MLLT10: variants seen among roughly 807,000 people sequenced by gnomAD.
MLLT10 encodes MLLT10 histone lysine methyltransferase DOT1L cofactor, also known as protein AF-10.
MLLT10 carries 30 observed loss-of-function variants against 129.1 expected under a neutral mutation model. The observed-to-expected ratio is 0.23, with a 90% CI of 0.17 to 0.32. The LOEUF is 0.32. Among genes scored for constraint, MLLT10 ranks in the 10% least tolerant of loss-of-function variants. MLLT10 has a pLI of 1.00. For synonymous variants in MLLT10, 490 were observed against 446.4 expected (o/e 1.10, Z -1.23); for missense variants, 1,119 against 1,268.3 (o/e 0.88, Z 1.79).
intron 5 of MLLT10, 121 bp from the exon 6 acceptor site, chr10:21,612,227 A>G (rs2044731111): frequency 3.7e-6 from 2 of 542,660 alleles, no homozygotes; most frequent in Non-Finnish European, 6.5e-6. Context: ...AAATGAATTC[A>G]TATTTTGAGT....
intron 9 of MLLT10, 75 bp downstream of exon 9, chr10:21,651,843 T>C (rs781246484): frequency 5.0e-5 from 46 of 918,710 alleles, no homozygotes; most frequent in Non-Finnish European, 7.4e-5. Context: ...AAAAACTGTT[T>C]TCATTCCCTA....
intron 8 of MLLT10, among the ~76,000 whole-genome samples, chr10:21,633,162 C>T (rs146205762): frequency 1.3e-4 from 20 of 152,160 alleles, no homozygotes; most frequent in African/African-American, 4.3e-4. Flanking sequence ...TCTTCATCTG[C>T]ATCAAGTTGA....
chr10:21,617,939 T>C (rs1390963018), intron 8 of MLLT10, among the ~76,000 whole-genome samples: 5 of 151,748 alleles, frequency 3.3e-5, no homozygotes, highest in Non-Finnish European at 4.4e-5. Context: ...GAGAGGATCG[T>C]TTGAGTGGAG....
intron 6 of MLLT10, among the ~76,000 whole-genome samples, chr10:21,612,670 A>G (rs1205369414): frequency 1.3e-5 from 2 of 152,154 alleles, no homozygotes; most frequent in African/African-American, 4.8e-5. Flanking sequence ...CTGATGTTTT[A>G]TTCTCTGTAA....
intron 3 of MLLT10, among the ~76,000 whole-genome samples, chr10:21,558,704 A>G (rs1564408448): frequency 6.6e-6 from 1 of 151,924 alleles, no homozygotes; most frequent in Non-Finnish European, 1.5e-5. Flanking sequence ...AAAAATTTTT[A>G]TTTTTTTAAA....
chr10:21,726,571 A>G (rs982540512), intron 15 of MLLT10, among the ~76,000 whole-genome samples: 3 of 152,042 alleles, frequency 2.0e-5, no homozygotes, highest in Non-Finnish European at 4.4e-5. Context: ...TTCATATATC[A>G]TAACATCAAT....
chr10:21,602,799 G>T (rs2043676625), intron 5 of MLLT10, among the ~76,000 whole-genome samples: 1 of 151,696 alleles, frequency 6.6e-6, no homozygotes, highest in Admixed American at 6.6e-5. Flanking sequence ...CGCAATCTCG[G>T]CTCACTGCAA....
intron 5 of MLLT10, among the ~76,000 whole-genome samples, chr10:21,604,840 G>T (rs1465363945): frequency 6.6e-6 from 1 of 151,590 alleles, no homozygotes; most frequent in East Asian, 1.9e-4. Context: ...TTACCCCTTG[G>T]TCCTGGATTG....
chr10:21,606,994 A>T (rs1160170214), intron 5 of MLLT10, among the ~76,000 whole-genome samples: 1 of 152,164 alleles, frequency 6.6e-6, no homozygotes, highest in Non-Finnish European at 1.5e-5. Context: ...TGGGTGTGGT[A>T]GTTCACACCT....
rs545035576 is a variant in MLLT10 at position 21,688,594 on chromosome 10, T to C, written c.1699+6337T>C. The C allele has an allele frequency of 1.1e-5, 17 of 1,508,154 alleles. No individual in the cohort carries two copies. The African/African-American group carries it at 1.7e-4, about 15-fold the overall frequency. The allele number at this position is 1,508,154 out of a possible 1,614,324, so 93.4% of individuals were successfully genotyped here. A position where few individuals can be genotyped will look rare whatever the true frequency, so the allele number is the denominator to read the frequency against. ...CATAATAGTGTTAAATTAATCCTAT[T>C]GTAGCTTGGAAACCTTCCCATACAA... On this transcript the variant is annotated intron_variant, in intron 13 of 22. Transcript: ENST00000307729.
intron 3 of MLLT10, among the ~76,000 whole-genome samples, chr10:21,554,062 G>A (rs529767708): frequency 6.6e-6 from 1 of 152,278 alleles, no homozygotes; most frequent in South Asian, 2.1e-4. Context: ...TATACTCATT[G>A]TACTAGGTAC....
intron 8 of MLLT10, among the ~76,000 whole-genome samples, chr10:21,619,926 T>C (rs2045634612): frequency 2.0e-5 from 3 of 151,698 alleles, no homozygotes; most frequent in South Asian, 2.1e-4. Flanking sequence ...TTTTTTTCTT[T>C]TTCTTTTCTT....
intron 3 of MLLT10, among the ~76,000 whole-genome samples, chr10:21,554,978 T>C (rs1360149206): frequency 6.6e-6 from 1 of 150,880 alleles, no homozygotes; most frequent in African/African-American, 2.4e-5. Flanking sequence ...CACGCCACCA[T>C]GCCCAGCTAA....
intron 8 of MLLT10, among the ~76,000 whole-genome samples, chr10:21,640,624 A>C (rs2047913185): frequency 6.6e-6 from 1 of 152,086 alleles, no homozygotes; most frequent in Admixed American, 6.5e-5. Flanking sequence ...AGCTTAGGGC[A>C]CCTGAATCTT....
chr10:21,556,877 T>G (rs2038088745), intron 3 of MLLT10: 6 of 1,551,256 alleles, frequency 3.9e-6, no homozygotes, highest in Non-Finnish European at 5.2e-6. Context: ...TATTCTTTTT[T>G]ATATTTATGG....
At chr10:21,591,021 A>T (rs1297481211) in intron 4 of MLLT10, among the ~76,000 whole-genome samples, 1 of 152,064 alleles carries the variant, frequency 6.6e-6, no homozygotes, top group Non-Finnish European at 1.5e-5. Context: ...GCTTTTATTG[A>T]ATCCCACAAG....
At chr10:21,610,769 GT>G in intron 5 of MLLT10, among the ~76,000 whole-genome samples, 1 of 151,742 alleles carries the variant, frequency 6.6e-6, no homozygotes, top group Middle Eastern at 3.4e-3. Flanking sequence ...CATATAGAGT[GT>G]TACTGTTTCA....
chr10:21,701,458 A>C (rs1398491841), intron 13 of MLLT10, among the ~76,000 whole-genome samples: 2 of 151,956 alleles, frequency 1.3e-5, no homozygotes, highest in Non-Finnish European at 2.9e-5. Flanking sequence ...TTACTGCTAT[A>C]AACTTTTTAG....
At chr10:21,695,061 C>CTTTTTTTT (rs71393922) in intron 13 of MLLT10, among the ~76,000 whole-genome samples, 3 of 104,032 alleles carry the variant, frequency 2.9e-5, no homozygotes, top group Non-Finnish European at 1.9e-5. Context: ...TTTCTACCTT[C>CTTTTTTTT]TTTTTTTTTT....
Sources: gnomAD v4.1 joint callset for allele counts (sites outside exome capture counted in the v4.1 genomes callset) on GRCh38, gnomAD v4.1.1 for gene constraint, MANE v1.5 for transcripts, NCBI Gene and HGNC (gene_info 2026-07-23, HGNC 2026-07-21) for gene names.